FAR2: variants seen among roughly 807,000 people sequenced by gnomAD.
FAR2 encodes the protein fatty acyl-CoA reductase 2.
Under a neutral mutation model 56.0 loss-of-function variants are expected in FAR2, and 19 were observed. That is an observed-to-expected ratio of 0.34 (90% CI 0.24 to 0.50). The LOEUF is 0.50. Among genes scored for constraint, FAR2 ranks in the 20% least tolerant of loss-of-function variants. The probability of loss-of-function intolerance (pLI) is 0.98; values close to 1 mark genes in which losing one functional copy is unlikely to be tolerated. For missense variants in FAR2, 508 were observed against 642.2 expected, an observed-to-expected ratio of 0.79 and a Z score of 2.26; for synonymous variants, 219 against 218.8, an observed-to-expected ratio of 1.00 and a Z score of -0.01.
chr12:29,185,744 G>C lies in FAR2; in HGVS notation c.-39+36337G>C, dbSNP rs1035131151. On this transcript the variant is annotated intron_variant, in intron 1 of 11. Coordinates refer to ENST00000536681, the MANE Select transcript of FAR2 (RefSeq NM_001271783.2). ...CCAGGAGCATTTGGTAACACGAGAA[G>C]AGTGTTTTTTGGTTGTCATGACTAG... Among the ~76,000 whole-genome samples the C allele has an allele frequency of 2.4e-4, 36 of 152,274 alleles. 1 individual carries two copies. Among genetic ancestry groups the C allele is most frequent in the African/African-American group, 8.4e-4 (35 of 41,546 alleles).
Position 29,293,279 on chromosome 12 carries a change from T to C in FAR2, c.190-21T>C, listed in dbSNP as rs761758871. 6.0e-6 allele frequency: 9 copies of C among 1,508,168 alleles called. No individual in the cohort carries two copies. The Admixed American group carries it at 1.8e-4, about 30-fold the overall frequency. The allele number at this position is 1,508,168 out of a possible 1,614,324, so 93.4% of individuals were successfully genotyped here. A position where few individuals can be genotyped will look rare whatever the true frequency, so the allele number is the denominator to read the frequency against. Reference sequence around the variant, plus strand: ...AATGATGGTGCTATTTTTTGTATATTGATCTATATTTATGTTTCAGCTATT... The same window carrying C: ...AATGATGGTGCTATTTTTTGTATATCGATCTATATTTATGTTTCAGCTATT... On this transcript the variant is annotated intron_variant, in intron 2 of 11. Transcript: ENST00000536681.
chr12:29,200,835 A>T (rs1326575127), intron 1 of FAR2, among the ~76,000 whole-genome samples: 1 of 152,208 alleles, frequency 6.6e-6, no homozygotes, highest in Non-Finnish European at 1.5e-5. Flanking sequence ...TGTTGACTCA[A>T]GCTTTTGTTA....
chr12:29,174,423 C>CTTTTTTTTTTTTTTTTT (rs55827253), intron 1 of FAR2, among the ~76,000 whole-genome samples: 1 of 55,422 alleles, frequency 1.8e-5, no homozygotes, highest in Non-Finnish European at 2.9e-5. Flanking sequence ...GGTTTTTATT[C>CTTTTTTTTTTTTTTTTT]TTTTTTTTTT....
intron 1 of FAR2, among the ~76,000 whole-genome samples, chr12:29,227,918 A>G (rs1947795672): frequency 6.6e-6 from 1 of 151,944 alleles, no homozygotes; most frequent in Non-Finnish European, 1.5e-5. Context: ...TCCTTTTAAG[A>G]AGTAAGTTCT....
chr12:29,294,391 A>G (rs1219017734), intron 3 of FAR2, among the ~76,000 whole-genome samples: 1 of 151,400 alleles, frequency 6.6e-6, no homozygotes, highest in African/African-American at 2.4e-5. Context: ...CTTGTTGCCC[A>G]AGTTGGAGTG....
chr12:29,236,806 T>C (rs1426677693), intron 1 of FAR2, among the ~76,000 whole-genome samples: 1 of 150,788 alleles, frequency 6.6e-6, no homozygotes, highest in Non-Finnish European at 1.5e-5. Context: ...GTATCTTGTT[T>C]GTGGGACAGG....
At chr12:29,256,176 T>G (rs1229557915) in intron 1 of FAR2, among the ~76,000 whole-genome samples, 1 of 151,540 alleles carries the variant, frequency 6.6e-6, no homozygotes. Context: ...CCGGCCTTAT[T>G]ATATCTAAAA....
At chr12:29,239,109 A>T in intron 1 of FAR2, among the ~76,000 whole-genome samples, 1 of 152,168 alleles carries the variant, frequency 6.6e-6, no homozygotes, top group East Asian at 1.9e-4. Context: ...TTTTGACATA[A>T]TAAGTAACAC....
intron 8 of FAR2, among the ~76,000 whole-genome samples, chr12:29,314,783 ATAT>A (rs1182925674): frequency 1.3e-5 from 2 of 152,190 alleles, no homozygotes; most frequent in Middle Eastern, 3.4e-3. Context: ...TATATCATAT[ATAT>A]TATTATTATT....
At chr12:29,213,235 T>C (rs1947574194) in intron 1 of FAR2, among the ~76,000 whole-genome samples, 1 of 151,864 alleles carries the variant, frequency 6.6e-6, no homozygotes, top group African/African-American at 2.4e-5. Flanking sequence ...AAGCAGAAGA[T>C]GAGTAGGACT....
At chr12:29,171,595 G>A (rs1402028814) in intron 1 of FAR2, 1 of 150,468 alleles carries the variant, frequency 6.6e-6, no homozygotes, top group South Asian at 2.1e-4. Context: ...AGTGAGGAGT[G>A]CCTTTGCCGG....
intron 1 of FAR2, among the ~76,000 whole-genome samples, chr12:29,170,925 A>C (rs913841962): frequency 2.6e-5 from 4 of 152,230 alleles, no homozygotes; most frequent in African/African-American, 9.6e-5. Context: ...CAACAACTCC[A>C]TGATTTCCTT....
At chr12:29,255,793 T>A (rs959144123) in intron 1 of FAR2, among the ~76,000 whole-genome samples, 2 of 152,180 alleles carry the variant, frequency 1.3e-5, no homozygotes, top group Non-Finnish European at 2.9e-5. Context: ...TCTGGCTAAT[T>A]TTACTACTTT....
At chr12:29,260,429 ACTGGC>A (rs1948397307) in intron 1 of FAR2, among the ~76,000 whole-genome samples, 2 of 152,294 alleles carry the variant, frequency 1.3e-5, no homozygotes, top group South Asian at 4.1e-4. Flanking sequence ...GCCAGAAGAT[ACTGGC>A]TTATGTTTTG....
rs868406660 is a variant in FAR2, at chr12:29,311,103, G to A, written c.844G>A (p.Val282Ile). ...VADVIPVDTV[V>I]NLMLAVGWYT... ...AGACGTAATTCCAGTTGATACAGTC[G>A]TCAATCTCATGCTAGCTGTAGGATG... The change falls in exon 7 of 12, where the codon GTC (valine) becomes ATC (isoleucine). Residue 282 changes from valine to isoleucine, a missense_variant. Val to Ile is a conservative substitution (Grantham distance 29). Transcript: ENST00000536681. 70 of 1,613,544 alleles carry A rather than the reference G, an allele frequency of 4.3e-5. No individual in the cohort carries two copies. The Middle Eastern group carries it at 1.6e-3, about 38-fold the overall frequency.
At chr12:29,200,741 A>C (rs1024110778) in intron 1 of FAR2, among the ~76,000 whole-genome samples, 3 of 152,194 alleles carry the variant, frequency 2.0e-5, no homozygotes, top group Non-Finnish European at 2.9e-5. Flanking sequence ...TACTCATATA[A>C]TCTTAAGACT....
intron 1 of FAR2, among the ~76,000 whole-genome samples, chr12:29,155,382 G>A (rs1039716089): frequency 9.9e-5 from 15 of 152,206 alleles, no homozygotes; most frequent in African/African-American, 3.1e-4. Context: ...CATGGTGGTA[G>A]GCTGGAAGCA....
chr12:29,159,315 G>A (rs945825666), intron 1 of FAR2, among the ~76,000 whole-genome samples: 1 of 152,082 alleles, frequency 6.6e-6, no homozygotes, highest in Non-Finnish European at 1.5e-5. Context: ...AAGGCGGGCG[G>A]ATCATGAGGT....
In FAR2 at chr12:29,333,621, C is replaced by T. The variant is rs1317688631; in HGVS notation, c.1386-11C>T. On this transcript the variant is annotated splice_polypyrimidine_tract_variant and intron_variant, in intron 11 of 11. Coordinates refer to ENST00000536681, the MANE Select transcript of FAR2 (RefSeq NM_001271783.2). ...TAGTTTTAACTTTGGTTATGTCTGT[C>T]TGTTCCCTAGGCTCCGAAATATTCA... 6.2e-7 allele frequency: 1 copy of T among 1,608,884 alleles called. No homozygotes were observed. Among genetic ancestry groups the T allele is most frequent in the African/African-American group, 1.3e-5 (1 of 74,698 alleles).
Sources: gnomAD v4.1 joint callset for allele counts (sites outside exome capture counted in the v4.1 genomes callset) on GRCh38, gnomAD v4.1.1 for gene constraint, MANE v1.5 for transcripts, NCBI Gene and HGNC (gene_info 2026-07-23, HGNC 2026-07-21) for gene names.